The following RLN2 variants were observed in gnomAD, a reference collection of about 807,000 sequenced individuals.
RLN2 encodes prorelaxin H2.
RLN2 carries 10 observed loss-of-function variants against 7.3 expected under a neutral mutation model. The ratio of observed to expected loss-of-function variants is 1.36; its 90% CI spans 0.84 to 2.31. The LOEUF (loss-of-function observed/expected upper bound fraction) is 2.31. Among genes scored for constraint, RLN2 ranks in the 30% most tolerant of loss-of-function variants. The pLI is 0.00. For synonymous variants in RLN2, 103 were observed against 82.3 expected (o/e 1.25, Z -1.36); for missense variants, 298 against 217.6 (o/e 1.37, Z -2.32).
the RLN2 span, among the ~76,000 whole-genome samples, chr9:5,332,805 C>T: frequency 2.6e-5 from 4 of 151,710 alleles, no homozygotes; most frequent in East Asian, 3.9e-4. Context: ...TTAGTAGAAA[C>T]GGGGTTTCAC....
chr9:5,335,408 C>A, the RLN2 span: 2 of 1,613,456 alleles, frequency 1.2e-6, no homozygotes, highest in East Asian at 4.5e-5. Context: ...TTGCCTATTG[C>A]GAATAAGTTT....
At chr9:5,325,876 G>A in the RLN2 span, among the ~76,000 whole-genome samples, 14 of 152,024 alleles carry the variant, frequency 9.2e-5, no homozygotes, top group South Asian at 2.3e-3. Context: ...TCCCAAAGGC[G>A]ATGTCAAGGG....
the RLN2 span, among the ~76,000 whole-genome samples, chr9:5,330,876 G>C: frequency 1.3e-5 from 2 of 150,860 alleles, no homozygotes; most frequent in African/African-American, 4.9e-5. Context: ...AGAAAAGAGA[G>C]AAGAATCAAA....
upstream of RLN2, among the ~76,000 whole-genome samples, chr9:5,307,744 A>G (rs111776976): frequency 1.9e-3 from 286 of 152,180 alleles, no homozygotes; most frequent in Non-Finnish European, 3.4e-3. Flanking sequence ...GCTTTGTCCC[A>G]GATGACAGGT....
the RLN2 span, among the ~76,000 whole-genome samples, chr9:5,315,867 G>C: frequency 1.3e-5 from 2 of 151,958 alleles, no homozygotes; most frequent in Non-Finnish European, 2.9e-5. Flanking sequence ...TAGAGATGAA[G>C]GAGAAATAAA....
Position 5,304,523 on chromosome 9 carries a change from A to T in RLN2, c.58T>A (p.Ser20Thr). ...ATCCATGAGTCCGCGACTGCTCTGGAAAATTGGTTCAGTAGTAAACAGACT... is the reference window on the plus strand; with the variant it reads ...ATCCATGAGTCCGCGACTGCTCTGGTAAATTGGTTCAGTAGTAAACAGACT... ...LGVCLLLNQF[S>T]RAVADSWMEE... The change falls in exon 1 of 2, where the codon TCC (serine) becomes ACC (threonine). Residue 20 changes from serine (S) to threonine (T), a missense_variant. By Grantham distance (58) the Ser-to-Thr change is moderately conservative. Transcript: ENST00000381627. 6.2e-7 allele frequency: 1 copy of T among 1,613,812 alleles called. No individual in the cohort carries two copies. The highest frequency in any genetic ancestry group is 8.5e-7 in the Non-Finnish European group (1 of 1,179,924).
chr9:5,304,029 C>T, intron 1 of RLN2: 1 of 202,236 alleles, frequency 4.9e-6, no homozygotes, highest in Non-Finnish European at 8.8e-6. Flanking sequence ...TCCTGCGGGT[C>T]TCCGGGCGGC....
the RLN2 span, among the ~76,000 whole-genome samples, chr9:5,315,406 AG>A: frequency 6.6e-6 from 1 of 151,346 alleles, no homozygotes; most frequent in Non-Finnish European, 1.5e-5. Context: ...CCCAATGAGA[AG>A]GAAAAAAAAA....
Position 5,304,606 on chromosome 9 carries a change from C to G in RLN2, c.-26G>C. The G allele has an allele frequency of 1.2e-6, 2 of 1,609,898 alleles. No individual in the cohort carries two copies. The highest frequency in any genetic ancestry group is 1.7e-6 in the Non-Finnish European group (2 of 1,176,650). Reference sequence around the variant, plus strand: ...CCTGGGCCTGGTCTCTCCTGGAGGTCGGGACGTTGCAGCCTTTCAGGACTG... The same window carrying G: ...CCTGGGCCTGGTCTCTCCTGGAGGTGGGGACGTTGCAGCCTTTCAGGACTG... On this transcript the variant is annotated 5_prime_UTR_variant, in exon 1 of 2. Coordinates refer to ENST00000381627, the MANE Select transcript of RLN2 (RefSeq NM_134441.3).
At chr9:5,311,491 C>T in the RLN2 span, 3 of 682,966 alleles carry the variant, frequency 4.4e-6, no homozygotes, top group East Asian at 2.6e-5. Context: ...GATAAAGTCA[C>T]GATGAAGGAT....
At chr9:5,320,370 A>G in the RLN2 span, among the ~76,000 whole-genome samples, 1 of 151,910 alleles carries the variant, frequency 6.6e-6, no homozygotes, top group South Asian at 2.1e-4. Context: ...CAACAAAATT[A>G]TTTATTTTTT....
At chr9:5,335,610 A>G in the RLN2 span, 1 of 1,561,428 alleles carries the variant, frequency 6.4e-7, no homozygotes, top group Non-Finnish European at 8.8e-7. Flanking sequence ...GTTAAGTTTA[A>G]AAAAAAAGTG....
At chr9:5,316,176 T>C in the RLN2 span, among the ~76,000 whole-genome samples, 1 of 152,074 alleles carries the variant, frequency 6.6e-6, no homozygotes, top group Non-Finnish European at 1.5e-5. Flanking sequence ...TTTGAGTATA[T>C]ATTTGTACAT....
At chr9:5,320,851 G>A in the RLN2 span, among the ~76,000 whole-genome samples, 1 of 152,048 alleles carries the variant, frequency 6.6e-6, no homozygotes. Flanking sequence ...GGAAGACTGG[G>A]TAGAAATGAT....
chr9:5,321,677 G>C, the RLN2 span, among the ~76,000 whole-genome samples: 1 of 151,146 alleles, frequency 6.6e-6, no homozygotes, highest in Non-Finnish European at 1.5e-5. Context: ...GGAAGAGGGA[G>C]GGAGGGAAGA....
At chr9:5,335,178 G>C in the RLN2 span, 12 of 853,948 alleles carry the variant, frequency 1.4e-5, no homozygotes, top group Non-Finnish European at 2.2e-5. Context: ...AGTGGGACCT[G>C]ACAGAAGCAT....
the RLN2 span, among the ~76,000 whole-genome samples, chr9:5,333,851 A>G: frequency 6.6e-6 from 1 of 152,216 alleles, no homozygotes; most frequent in Non-Finnish European, 1.5e-5. Flanking sequence ...CCCAGGATGC[A>G]AGGTTGGTAC....
the RLN2 span, chr9:5,335,328 T>A: frequency 6.2e-7 from 1 of 1,612,402 alleles, no homozygotes; most frequent in South Asian, 1.1e-5. Flanking sequence ...TAGGGTCGTC[T>A]CTTTTTTTGA....
At position 5,304,512 on chromosome 9, in the gene RLN2, G is replaced by T; in HGVS notation, c.69C>A (p.Val23=). The T allele has an allele frequency of 6.2e-7, 1 of 1,613,866 alleles. No homozygotes were observed. Among genetic ancestry groups the T allele is most frequent in the Non-Finnish European group, 8.5e-7 (1 of 1,179,928 alleles). Residue 23 remains valine, a synonymous_variant, in exon 1 of 2, where the codon GTC becomes GTA. Transcript: ENST00000381627. ...CLLLNQFSRA[V]ADSWMEEVIK... ...TAACTTCCTCCATCCATGAGTCCGC[G>T]ACTGCTCTGGAAAATTGGTTCAGTA... is the stretch of plus-strand genomic sequence containing the variant.
Sources: gnomAD v4.1 joint callset for allele counts (sites outside exome capture counted in the v4.1 genomes callset) on GRCh38, gnomAD v4.1.1 for gene constraint, MANE v1.5 for transcripts, NCBI Gene and HGNC (gene_info 2026-07-23, HGNC 2026-07-21) for gene names.